The following VPS13B variants were observed in gnomAD, a reference collection of about 807,000 sequenced individuals.
VPS13B encodes the protein intermembrane lipid transfer protein VPS13B.
Under a neutral mutation model 426.4 loss-of-function variants are expected in VPS13B, and 285 were observed. The ratio of observed to expected loss-of-function variants is 0.67; its 90% CI spans 0.61 to 0.74. VPS13B has a LOEUF of 0.74. Among genes scored for constraint, VPS13B ranks in the 30% least tolerant of loss-of-function variants. VPS13B has a pLI of 0.00. For synonymous variants in VPS13B, 1,676 were observed against 1,676.4 expected, an observed-to-expected ratio of 1.00 and a Z score of 0.01; for missense variants, 4,537 against 4,782.6, an observed-to-expected ratio of 0.95 and a Z score of 1.51.
intron 16 of VPS13B, among the ~76,000 whole-genome samples, chr8:99,178,501 A>G (rs1812763574): frequency 6.6e-6 from 1 of 152,198 alleles, no homozygotes; most frequent in Non-Finnish European, 1.5e-5. Context: ...TGAAATAAAC[A>G]GGTTAGGTAT....
At chr8:99,251,164 C>G (rs1438422840) in intron 17 of VPS13B, among the ~76,000 whole-genome samples, 2 of 152,012 alleles carry the variant, frequency 1.3e-5, no homozygotes, top group African/African-American at 4.8e-5. Context: ...CCTTTTATCT[C>G]TCTTTGTTAT....
chr8:99,487,329 TTGTTAGTATTA>T (rs1820365877), intron 25 of VPS13B, among the ~76,000 whole-genome samples: 1 of 152,198 alleles, frequency 6.6e-6, no homozygotes, highest in Non-Finnish European at 1.5e-5. Flanking sequence ...AGTCTCCATA[TTGTTAGTATTA>T]AAATTTCTTA....
intron 19 of VPS13B, among the ~76,000 whole-genome samples, chr8:99,323,803 T>G (rs1810105223): frequency 6.6e-6 from 1 of 152,242 alleles, no homozygotes; most frequent in Non-Finnish European, 1.5e-5. Flanking sequence ...GATTGTGCTC[T>G]GATACAAAAT....
chr8:99,736,015 G>C (rs928995861), intron 39 of VPS13B, among the ~76,000 whole-genome samples: 1 of 152,150 alleles, frequency 6.6e-6, no homozygotes, highest in Non-Finnish European at 1.5e-5. Flanking sequence ...TCAATACACT[G>C]TTAAGTTCCA....
intron 21 of VPS13B, among the ~76,000 whole-genome samples, chr8:99,420,747 A>G (rs1268645569): frequency 1.3e-5 from 2 of 152,162 alleles, no homozygotes; most frequent in Non-Finnish European, 2.9e-5. Context: ...GAAGAATGTT[A>G]CGTTATACAG....
chr8:99,271,247 A>ACTACTACTACTACTG (rs144769424), intron 17 of VPS13B, among the ~76,000 whole-genome samples: 2 of 148,668 alleles, frequency 1.3e-5, no homozygotes, highest in African/African-American at 2.5e-5. Flanking sequence ...TACTACTACT[A>ACTACTACTACTACTG]CGATGATGAT....
intron 2 of VPS13B, among the ~76,000 whole-genome samples, chr8:99,037,979 G>T (rs867288778): frequency 6.6e-6 from 1 of 151,842 alleles, no homozygotes; most frequent in Middle Eastern, 3.4e-3. Context: ...TTTAGATGGA[G>T]ACTTAAAAAA....
At chr8:99,462,596 CT>C (rs1818898853) in intron 23 of VPS13B, among the ~76,000 whole-genome samples, 2 of 152,140 alleles carry the variant, frequency 1.3e-5, no homozygotes, top group Admixed American at 1.3e-4. Flanking sequence ...TACCTGACTT[CT>C]TTGTTCCTTT....
At chr8:99,350,050 G>C (rs1811792158) in intron 19 of VPS13B, among the ~76,000 whole-genome samples, 1 of 152,130 alleles carries the variant, frequency 6.6e-6, no homozygotes, top group South Asian at 2.1e-4. Flanking sequence ...AGGTTCTGTT[G>C]GTTTGGAAGA....
At position 99,077,971 on chromosome 8, in the gene VPS13B, G is replaced by A. The variant is rs190230813; in HGVS notation, c.292-18341G>A. ...TTCTGTTGCTTGATCTATTGTTGAA[G>A]TGCTCAGTTGTATTTTTTATTTTAT... On this transcript the variant is annotated intron_variant, in intron 3 of 61. Coordinates refer to ENST00000357162, the MANE Select transcript of VPS13B (RefSeq NM_152564.5). Among the ~76,000 whole-genome samples the A allele has an allele frequency of 8.6e-5, 13 of 151,706 alleles. No homozygotes were observed. In the East Asian group the frequency reaches 2.5e-3, roughly 29 times the overall value.
intron 17 of VPS13B, among the ~76,000 whole-genome samples, chr8:99,256,118 G>A (rs567389971): frequency 1.3e-5 from 2 of 152,200 alleles, no homozygotes; most frequent in South Asian, 2.1e-4. Flanking sequence ...AGAACAGGTT[G>A]GGGAACTTTT....
At chr8:99,341,465 T>C (rs1295151713) in intron 19 of VPS13B, 3 of 156,466 alleles carry the variant, frequency 1.9e-5, no homozygotes, top group Non-Finnish European at 4.3e-5. Context: ...TCTTCACTAC[T>C]GTTGGAGAAC....
In VPS13B at chr8:99,121,323, G is replaced by A; in HGVS notation, c.1084G>A (p.Gly362Ser). 6.2e-7 allele frequency: 1 copy of A among 1,614,138 alleles called. No individual in the cohort carries two copies. Among genetic ancestry groups the A allele is most frequent in the Non-Finnish European group, 8.5e-7 (1 of 1,180,028 alleles). ...FVPAIVSYDDGEEDFVGNDPA... is the reference protein window; with the variant it reads ...FVPAIVSYDDSEEDFVGNDPA... ...GCCTGCAATTGTGAGTTATGACGAT[G>A]GCGAGGAAGACTTTGTTGGGAACGA... The change falls in exon 8 of 62, where the codon GGC (glycine) becomes AGC (serine). Residue 362 changes from glycine to serine, a missense_variant. Gly to Ser is a moderately conservative substitution (Grantham distance 56). Coordinates refer to ENST00000357162, the MANE Select transcript of VPS13B (RefSeq NM_152564.5).
At chr8:99,077,620 T>C (rs1316021935) in intron 3 of VPS13B, among the ~76,000 whole-genome samples, 67 of 152,218 alleles carry the variant, frequency 4.4e-4, no homozygotes, top group Admixed American at 2.7e-3. Context: ...GGGATTTCTT[T>C]ATATGTGTGT....
chr8:99,177,063 T>C (rs907645694), intron 16 of VPS13B, among the ~76,000 whole-genome samples: 5 of 152,188 alleles, frequency 3.3e-5, no homozygotes, highest in Non-Finnish European at 7.4e-5. Context: ...AAGTGCCCTA[T>C]TCTGGAAAAA....
At chr8:99,319,111 T>G (rs1809840130) in intron 19 of VPS13B, among the ~76,000 whole-genome samples, 1 of 152,198 alleles carries the variant, frequency 6.6e-6, no homozygotes, top group Non-Finnish European at 1.5e-5. Flanking sequence ...TAATTTATAA[T>G]AGAAGCACAC....
intron 17 of VPS13B, among the ~76,000 whole-genome samples, chr8:99,227,565 G>A (rs946945516): frequency 6.6e-6 from 1 of 152,072 alleles, no homozygotes; most frequent in Non-Finnish European, 1.5e-5. Flanking sequence ...TTTTAATAAT[G>A]AGCAGCAAAA....
chr8:99,278,459 T>C lies in VPS13B; in HGVS notation c.2824+3205T>C, dbSNP rs1819006143. On this transcript the variant is annotated intron_variant, in intron 19 of 61. Transcript: ENST00000357162. Reference sequence around the variant, plus strand: ...TAAAATGTCACATTTGTGTAAATTGTTTTATTTGCTTACAAATCAAAACTG... The same window carrying C: ...TAAAATGTCACATTTGTGTAAATTGCTTTATTTGCTTACAAATCAAAACTG... Among the ~76,000 whole-genome samples the C allele has an allele frequency of 1.3e-5, 2 of 152,212 alleles. 1 individual carries two copies. The highest frequency in any genetic ancestry group is 4.1e-4 in the South Asian group (2 of 4,826).
At chr8:99,095,513 A>G (rs1195804696) in intron 3 of VPS13B, among the ~76,000 whole-genome samples, 1 of 152,258 alleles carries the variant, frequency 6.6e-6, no homozygotes, top group Non-Finnish European at 1.5e-5. Flanking sequence ...ACTCCTTATT[A>G]CTTAAAAACA....
Sources: gnomAD v4.1 joint callset for allele counts (sites outside exome capture counted in the v4.1 genomes callset) on GRCh38, gnomAD v4.1.1 for gene constraint, MANE v1.5 for transcripts, NCBI Gene and HGNC (gene_info 2026-07-23, HGNC 2026-07-21) for gene names.